Variants in CHCHD6 observed in about 807,000 individuals in gnomAD.
The protein encoded by CHCHD6 is coiled-coil-helix-coiled-coil-helix domain containing 6.
CHCHD6 carries 28 observed loss-of-function variants against 32.3 expected under a neutral mutation model. That is an observed-to-expected ratio of 0.87 (90% confidence interval 0.64 to 1.19). The LOEUF (loss-of-function observed/expected upper bound fraction) is 1.19, where lower values mean the gene tolerates loss of function less well. Among genes scored for constraint, CHCHD6 ranks in the 50% most tolerant of loss-of-function variants. The pLI is 0.00. For missense variants in CHCHD6, 333 were observed against 307.0 expected, an observed-to-expected ratio of 1.08 and a Z score of -0.63; for synonymous variants, 122 against 117.5, an observed-to-expected ratio of 1.04 and a Z score of -0.25.
intron 5 of CHCHD6, among the ~76,000 whole-genome samples, chr3:126,882,488 A>G (rs962509193): frequency 6.6e-6 from 1 of 152,192 alleles, no homozygotes; most frequent in African/African-American, 2.4e-5. Flanking sequence ...CTCAACTCCA[A>G]TTCATTTTCT....
At chr3:126,802,430 G>A (rs1033423525) in intron 4 of CHCHD6, among the ~76,000 whole-genome samples, 2 of 152,188 alleles carry the variant, frequency 1.3e-5, no homozygotes, top group African/African-American at 4.8e-5. Context: ...GAAGCCTCAG[G>A]AGCTGATGCG....
chr3:126,864,861 C>T (rs1942198247), intron 5 of CHCHD6, among the ~76,000 whole-genome samples: 1 of 150,160 alleles, frequency 6.7e-6, no homozygotes, highest in African/African-American at 2.5e-5. Flanking sequence ...CCTCTTCCTC[C>T]TCCACCATCA....
intron 6 of CHCHD6, among the ~76,000 whole-genome samples, chr3:126,954,513 G>T (rs1450970976): frequency 1.3e-5 from 2 of 152,218 alleles, no homozygotes; most frequent in Non-Finnish European, 2.9e-5. Context: ...CTTAGCCTCC[G>T]CCTGTCCTGT....
At chr3:126,757,723 A>G (rs963570313) in intron 4 of CHCHD6, among the ~76,000 whole-genome samples, 1 of 152,176 alleles carries the variant, frequency 6.6e-6, no homozygotes, top group Non-Finnish European at 1.5e-5. Flanking sequence ...AGAAGCGAGT[A>G]AGAAATTGTA....
intron 5 of CHCHD6, among the ~76,000 whole-genome samples, chr3:126,859,732 C>T (rs537123624): frequency 3.9e-5 from 6 of 152,252 alleles, no homozygotes; most frequent in East Asian, 3.9e-4. Context: ...GTCAGGTCTG[C>T]GAGACTCCAG....
At chr3:126,765,874 G>A (rs996792390) in intron 4 of CHCHD6, among the ~76,000 whole-genome samples, 1 of 152,214 alleles carries the variant, frequency 6.6e-6, no homozygotes, top group African/African-American at 2.4e-5. Flanking sequence ...GCAGCCAAGG[G>A]GAGAAACAGA....
chr3:126,916,956 C>T (rs1649015398), intron 6 of CHCHD6, among the ~76,000 whole-genome samples: 2 of 152,226 alleles, frequency 1.3e-5, no homozygotes, highest in South Asian at 4.1e-4. Context: ...GGGGAGAAGC[C>T]AGACAGCTTT....
At chr3:126,912,081 T>C (rs2078098762) in intron 5 of CHCHD6, among the ~76,000 whole-genome samples, 1 of 151,950 alleles carries the variant, frequency 6.6e-6, no homozygotes, top group African/African-American at 2.4e-5. Context: ...TGCCAAGATG[T>C]CTCTCCACCA....
intron 1 of CHCHD6, among the ~76,000 whole-genome samples, chr3:126,719,871 T>C (rs1559802728): frequency 6.6e-6 from 1 of 151,344 alleles, no homozygotes; most frequent in Non-Finnish European, 1.5e-5. Context: ...GGCTGCACTA[T>C]CAGAGTCTTC....
At chr3:126,951,282 C>T (rs527981945) in intron 6 of CHCHD6, among the ~76,000 whole-genome samples, 12 of 152,288 alleles carry the variant, frequency 7.9e-5, no homozygotes, top group Non-Finnish European at 1.6e-4. Context: ...TCAATTAAAC[C>T]TCTTTTCTTT....
At chr3:126,865,134 T>TCCA (rs1184461158) in intron 5 of CHCHD6, among the ~76,000 whole-genome samples, 1 of 98,900 alleles carries the variant, frequency 1.0e-5, no homozygotes, top group African/African-American at 3.5e-5. Context: ...CTCCTCCTCC[T>TCCA]CCACCACCAC....
chr3:126,805,589 A>G (rs1481915649), intron 4 of CHCHD6, among the ~76,000 whole-genome samples: 1 of 152,136 alleles, frequency 6.6e-6, no homozygotes, highest in East Asian at 1.9e-4. Flanking sequence ...ATGCTCATGG[A>G]TAGGAAGAAT....
intron 6 of CHCHD6, among the ~76,000 whole-genome samples, chr3:126,927,701 G>A (rs1415526497): frequency 6.6e-6 from 1 of 152,114 alleles, no homozygotes; most frequent in African/African-American, 2.4e-5. Context: ...TGTCACTTTT[G>A]TTTTCTTTTG....
At chr3:126,799,059 T>C (rs759939903) in intron 4 of CHCHD6, among the ~76,000 whole-genome samples, 2 of 152,210 alleles carry the variant, frequency 1.3e-5, no homozygotes, top group Non-Finnish European at 2.9e-5. Flanking sequence ...CCTGGACTTT[T>C]GCATTACCAG....
At chr3:126,913,211 T>C (rs1339301757) in intron 5 of CHCHD6, among the ~76,000 whole-genome samples, 1 of 16,278 alleles carries the variant, frequency 6.1e-5, no homozygotes, top group African/African-American at 1.8e-4. Flanking sequence ...ATGAGCCTTT[T>C]TTTTTTTTTT....
intron 4 of CHCHD6, among the ~76,000 whole-genome samples, chr3:126,819,187 A>G (rs879588856): frequency 6.6e-6 from 1 of 152,102 alleles, no homozygotes; most frequent in Admixed American, 6.5e-5. Context: ...TTTTTTCCAG[A>G]TTGTTTGGTA....
intron 5 of CHCHD6, among the ~76,000 whole-genome samples, chr3:126,896,208 C>T (rs756695037): frequency 6.6e-5 from 10 of 152,180 alleles, no homozygotes; most frequent in South Asian, 2.1e-4. Flanking sequence ...AGATAAAACA[C>T]GCAATTTCAA....
chr3:126,736,040 A>G (rs900183416), intron 4 of CHCHD6, among the ~76,000 whole-genome samples: 2 of 152,148 alleles, frequency 1.3e-5, no homozygotes, highest in South Asian at 4.1e-4. Context: ...AGCAGATGCT[A>G]TGGCCATTGC....
At chr3:126,720,185 A>G (rs1935214017) in intron 1 of CHCHD6, among the ~76,000 whole-genome samples, 3 of 152,134 alleles carry the variant, frequency 2.0e-5, no homozygotes, top group Admixed American at 2.0e-4. Flanking sequence ...CCCAGCCAAG[A>G]GTCTTTTGCA....
Sources: allele counts gnomAD v4.1 joint callset (sites outside exome capture counted in the v4.1 genomes callset), GRCh38; gene constraint gnomAD v4.1.1; transcripts MANE v1.5; gene names NCBI Gene and HGNC (gene_info 2026-07-23, HGNC 2026-07-21).